The following EIF5B variants were observed in gnomAD, a reference collection of about 807,000 sequenced individuals.
EIF5B encodes eukaryotic translation initiation factor 5B.
Under a neutral mutation model 147.5 loss-of-function variants are expected in EIF5B, and 47 were observed. That is an observed-to-expected ratio of 0.32 (90% CI 0.25 to 0.41). The LOEUF is 0.41. Among genes scored for constraint, EIF5B ranks in the 10% least tolerant of loss-of-function variants. The probability of loss-of-function intolerance (pLI) is 1.00; values close to 1 mark genes in which losing one functional copy is unlikely to be tolerated. For synonymous variants in EIF5B, 455 were observed against 456.2 expected (o/e 1.00, Z 0.03); for missense variants, 1,064 against 1,413.2 (o/e 0.75, Z 3.96).
rs1222399405 is a variant in EIF5B at position 99,371,577 on chromosome 2, A to G, written c.1478-79A>G. ...AAACATTCTTTTTTTATGTCAGAGC[A>G]TAATTTTTTACTTTTTTCTAAAAGA... On this transcript the variant is annotated intron_variant, in intron 8 of 23. Transcript: ENST00000289371. 7.8e-6 allele frequency: 9 copies of G among 1,153,850 alleles called. No individual in the cohort carries two copies. In the South Asian group the frequency reaches 1.2e-4, roughly 15 times the overall value. The allele number at this position is 1,153,850 out of a possible 1,614,324, so 71.5% of individuals were successfully genotyped here.
Position 99,389,993 on chromosome 2 carries a change from C to T in EIF5B, c.2403+144C>T, listed in dbSNP as rs887738010. ...TTTTTTTAAATTCTTCTTCCCTTTT[C>T]TCCTTTTTCTTTGCAGTCTGAATAC... On this transcript the variant is annotated intron_variant, in intron 15 of 23. Coordinates refer to ENST00000289371, the MANE Select transcript of EIF5B (RefSeq NM_015904.4). The T allele has an allele frequency of 5.6e-6, 7 of 1,257,454 alleles. No individual in the cohort carries two copies. In the African/African-American group the frequency reaches 1.1e-4, roughly 19 times the overall value. 77.9% of individuals were successfully genotyped at this position (1,257,454 alleles called of 1,614,324 possible).
intron 12 of EIF5B, 102 bp from the exon 13 acceptor site, chr2:99,382,057 G>A: frequency 1.4e-5 from 12 of 864,988 alleles, no homozygotes; most frequent in Non-Finnish European, 2.2e-5. Flanking sequence ...ATGGAAAAGG[G>A]AGTAGTGATA....
intron 12 of EIF5B, among the ~76,000 whole-genome samples, chr2:99,379,760 TTCTAA>T (rs890855569): frequency 1.1e-4 from 16 of 152,214 alleles, no homozygotes; most frequent in African/African-American, 3.9e-4. Flanking sequence ...TCTTTTCCCC[TTCTAA>T]TCTAATCAAT....
intron 12 of EIF5B, among the ~76,000 whole-genome samples, chr2:99,381,952 A>G (rs979765105): frequency 1.3e-5 from 2 of 152,088 alleles, no homozygotes; most frequent in Admixed American, 1.3e-4. Context: ...ATATTTTCTC[A>G]TTTAGTATTT....
At chr2:99,398,065 G>A (rs1211578978) in intron 22 of EIF5B, 1 of 152,074 alleles carries the variant, frequency 6.6e-6, no homozygotes, top group Non-Finnish European at 1.5e-5. Flanking sequence ...CTTTCTGGTT[G>A]AGATGTTCCA....
intron 17 of EIF5B, among the ~76,000 whole-genome samples, chr2:99,390,961 C>T (rs1244291728): frequency 6.6e-6 from 1 of 152,176 alleles, no homozygotes; most frequent in Non-Finnish European, 1.5e-5. Flanking sequence ...CTGCTAAATA[C>T]GGTTGACTCT....
chr2:99,376,096 A>G (rs567778206), intron 9 of EIF5B, among the ~76,000 whole-genome samples: 19 of 152,312 alleles, frequency 1.2e-4, no homozygotes, highest in African/African-American at 3.8e-4. Flanking sequence ...ATGGCTTTCA[A>G]TGTGGCCTAG....
At chr2:99,349,301 T>G (rs1318041534) in intron 1 of EIF5B, among the ~76,000 whole-genome samples, 1 of 152,212 alleles carries the variant, frequency 6.6e-6, no homozygotes, top group Admixed American at 6.5e-5. Context: ...CTTGGAGATT[T>G]TGAAGTGTGG....
Position 99,379,140 on chromosome 2 carries a change from A to G in EIF5B, c.1950+14A>G, listed in dbSNP as rs1247924964. The G allele has an allele frequency of 1.9e-6, 3 of 1,574,524 alleles. No individual in the cohort carries two copies. Among genetic ancestry groups the G allele is most frequent in the East Asian group, 2.2e-5 (1 of 44,516 alleles). ...ATTCTAGATAAGGTAAGAAAGTATT[A>G]AATGTATTGATAGAACTTTGAAAAT... On this transcript the variant is annotated intron_variant, in intron 11 of 23. Coordinates refer to ENST00000289371, the MANE Select transcript of EIF5B (RefSeq NM_015904.4).
At chr2:99,377,669 T>C (rs1300030477) in intron 10 of EIF5B, among the ~76,000 whole-genome samples, 2 of 152,096 alleles carry the variant, frequency 1.3e-5, no homozygotes, top group Non-Finnish European at 2.9e-5. Flanking sequence ...ATTATCCTGC[T>C]CCCTAGATTA....
chr2:99,351,694 T>TTTTG (rs1553533893), intron 1 of EIF5B, among the ~76,000 whole-genome samples: 2 of 152,084 alleles, frequency 1.3e-5, no homozygotes, highest in Non-Finnish European at 2.9e-5. Flanking sequence ...TGTGTTTTTT[T>TTTTG]TTTGTTTGTT....
intron 7 of EIF5B, among the ~76,000 whole-genome samples, chr2:99,368,829 G>T (rs1294102288): frequency 6.6e-6 from 1 of 152,174 alleles, no homozygotes; most frequent in Non-Finnish European, 1.5e-5. Context: ...TGTAACTGTT[G>T]TTAACTCTGA....
chr2:99,342,624 C>G (rs1008119545), intron 1 of EIF5B, among the ~76,000 whole-genome samples: 2 of 117,492 alleles, frequency 1.7e-5, no homozygotes, highest in Non-Finnish European at 3.6e-5. Context: ...TCTTTTTTGT[C>G]TCCTTTTCTC....
At chr2:99,390,426 TG>T in intron 16 of EIF5B, 25 bp downstream of exon 16, 2 of 1,522,100 alleles carry the variant, frequency 1.3e-6, no homozygotes, top group South Asian at 1.2e-5. Flanking sequence ...TTCAGTTTAT[TG>T]TTTTTTTTTT....
At chr2:99,392,373 G>A (rs1384768230) in intron 17 of EIF5B, among the ~76,000 whole-genome samples, 3 of 152,250 alleles carry the variant, frequency 2.0e-5, no homozygotes, top group South Asian at 2.1e-4. Context: ...TAATAATGCT[G>A]CTGCTGTGAA....
intron 1 of EIF5B, among the ~76,000 whole-genome samples, chr2:99,358,261 T>G (rs1374860996): frequency 6.6e-6 from 1 of 151,974 alleles, no homozygotes; most frequent in Non-Finnish European, 1.5e-5. Flanking sequence ...GAGACGGGGT[T>G]TCATAGTGTT....
rs745687002 is a variant in EIF5B at position 99,396,737 on chromosome 2, ATTCTT to A, written c.3255-15_3255-11del. 14 of 1,579,074 alleles carry A rather than the reference ATTCTT, an allele frequency of 8.9e-6. No homozygotes were observed. Among genetic ancestry groups the A allele is most frequent in the Middle Eastern group, 1.7e-4 (1 of 5,862 alleles). On this transcript the variant is annotated intron_variant, in intron 21 of 23. Coordinates refer to ENST00000289371, the MANE Select transcript of EIF5B (RefSeq NM_015904.4). The stretch of plus-strand genomic sequence containing the variant: ...GTTTAAGTGATTCTGTAAGCTTAAA[ATTCTT>A]TTCTTTTTTCCTTTCAGGCACATAG...
chr2:99,338,271 G>A (rs1020511966), intron 1 of EIF5B: 40 of 1,272,882 alleles, frequency 3.1e-5, no homozygotes, highest in Non-Finnish European at 4.1e-5. Context: ...CTAACCACCT[G>A]CAATGCTTTG....
rs1281651468 is a variant in EIF5B, at chr2:99,399,980, C to T, written c.*566C>T. On this transcript the variant is annotated 3_prime_UTR_variant, in exon 24 of 24. Coordinates refer to ENST00000289371, the MANE Select transcript of EIF5B (RefSeq NM_015904.4). ...CATGGTGTAAAAGCACAGCTGGCTG[C>T]TTTTTACTGCTTGTGTAGTCACGAG... The T allele has an allele frequency of 1.3e-5, 2 of 152,832 alleles. No individual in the cohort carries two copies. Among genetic ancestry groups the T allele is most frequent in the African/African-American group, 4.8e-5 (2 of 41,466 alleles). 9.5% of individuals were successfully genotyped at this position (152,832 alleles called of 1,614,324 possible). A position where few individuals can be genotyped will look rare whatever the true frequency, so the allele number is the denominator to read the frequency against.
Sources: gnomAD v4.1 joint callset for allele counts (sites outside exome capture counted in the v4.1 genomes callset) on GRCh38, gnomAD v4.1.1 for gene constraint, MANE v1.5 for transcripts, NCBI Gene and HGNC (gene_info 2026-07-23, HGNC 2026-07-21) for gene names.